Variants in DCLK2 observed in about 807,000 individuals in gnomAD.
DCLK2 encodes the protein serine/threonine-protein kinase DCLK2.
A neutral mutation model predicts 78.4 loss-of-function variants in DCLK2; 31 were observed. The ratio of observed to expected loss-of-function variants is 0.40; its 90% CI spans 0.30 to 0.53. The LOEUF (loss-of-function observed/expected upper bound fraction) is 0.53, where lower values mean the gene tolerates loss of function less well. Ranked by LOEUF, DCLK2 falls within the 20% of genes least tolerant of loss-of-function variation. DCLK2 has a pLI of 0.61. For synonymous variants in DCLK2, 407 were observed against 374.9 expected (o/e 1.09, Z -0.99); for missense variants, 872 against 973.7 (o/e 0.90, Z 1.39).
chr4:150,213,896 T>C (rs1740492630), intron 5 of DCLK2, among the ~76,000 whole-genome samples: 1 of 152,216 alleles, frequency 6.6e-6, no homozygotes, highest in Non-Finnish European at 1.5e-5. Flanking sequence ...CAAGAAGCTC[T>C]TGGGCTCTGG....
intron 15 of DCLK2, among the ~76,000 whole-genome samples, chr4:150,252,331 G>C (rs1035570125): frequency 6.6e-6 from 1 of 152,222 alleles, no homozygotes; most frequent in African/African-American, 2.4e-5. Context: ...ACCTTAAGAA[G>C]AGAGATTGGT....
intron 2 of DCLK2, among the ~76,000 whole-genome samples, chr4:150,158,514 T>C (rs1279491787): frequency 4.6e-5 from 7 of 152,310 alleles, no homozygotes; most frequent in Middle Eastern, 3.4e-3. Flanking sequence ...TCTATTTTGC[T>C]TACTGGATAG....
chr4:150,156,568 G>T (rs1455427972), intron 2 of DCLK2, among the ~76,000 whole-genome samples: 1 of 151,696 alleles, frequency 6.6e-6, no homozygotes, highest in Non-Finnish European at 1.5e-5. Flanking sequence ...CTACTCTGAA[G>T]CCTGAGGTGG....
At chr4:150,133,730 CTAATAATCATTCAGTGT>C (rs1329565280) in intron 2 of DCLK2, among the ~76,000 whole-genome samples, 1 of 152,130 alleles carries the variant, frequency 6.6e-6, no homozygotes, top group Non-Finnish European at 1.5e-5. Context: ...ACTGATTGTG[CTAATAATCATTCAGTGT>C]CAGCTAATTA....
At chr4:150,224,696 G>T in intron 8 of DCLK2, 138 bp downstream of exon 8, 1 of 581,216 alleles carries the variant, frequency 1.7e-6, no homozygotes. Flanking sequence ...GGGAAAAACA[G>T]TTAAGCGGTT....
chr4:150,208,195 G>C (rs778662083), intron 5 of DCLK2, among the ~76,000 whole-genome samples: 1 of 152,196 alleles, frequency 6.6e-6, no homozygotes, highest in African/African-American at 2.4e-5. Flanking sequence ...GTTGGGCCTA[G>C]TCAAGCAGAG....
At chr4:150,148,106 G>A (rs1297190205) in intron 2 of DCLK2, among the ~76,000 whole-genome samples, 3 of 152,250 alleles carry the variant, frequency 2.0e-5, no homozygotes, top group East Asian at 1.9e-4. Flanking sequence ...AGTGGTTCAC[G>A]CCTGTAATCC....
intron 15 of DCLK2, among the ~76,000 whole-genome samples, chr4:150,254,662 C>T (rs1367568029): frequency 1.3e-5 from 2 of 152,056 alleles, no homozygotes; most frequent in Admixed American, 6.6e-5. Context: ...TGAAATTGTC[C>T]TTGGAAATTG....
At chr4:150,212,948 C>T (rs1288356926) in intron 5 of DCLK2, among the ~76,000 whole-genome samples, 3 of 152,166 alleles carry the variant, frequency 2.0e-5, no homozygotes, top group Non-Finnish European at 4.4e-5. Flanking sequence ...ATAGTTATAA[C>T]AGAAGAGGCA....
chr4:150,207,898 G>A (rs1320306419), intron 5 of DCLK2, among the ~76,000 whole-genome samples: 7 of 152,140 alleles, frequency 4.6e-5, no homozygotes, highest in Admixed American at 1.3e-4. Context: ...CACTGTAGTG[G>A]AGCCTTGCAG....
At chr4:150,140,616 C>T (rs1734046696) in intron 2 of DCLK2, among the ~76,000 whole-genome samples, 1 of 152,224 alleles carries the variant, frequency 6.6e-6, no homozygotes. Context: ...GAAGATAAGT[C>T]AGTGTGCTAG....
intron 2 of DCLK2, among the ~76,000 whole-genome samples, chr4:150,137,194 T>G (rs943965485): frequency 1.3e-5 from 2 of 152,056 alleles, no homozygotes; most frequent in Non-Finnish European, 2.9e-5. Flanking sequence ...TGTTCTCAGC[T>G]GAGCTGCAAG....
At chr4:150,226,892 G>A (rs1481087592) in intron 8 of DCLK2, among the ~76,000 whole-genome samples, 6 of 152,120 alleles carry the variant, frequency 3.9e-5, no homozygotes, top group Admixed American at 2.0e-4. Context: ...GTTAATTTGA[G>A]GGGGTGGTAT....
At position 150,198,916 on chromosome 4, in the gene DCLK2, C is replaced by G. The variant is rs141347977; in HGVS notation, c.961+813C>G. The G allele has an allele frequency of 6.8e-3, 3,949 of 579,102 alleles. 407 individuals carry two copies. The Admixed American group carries it at 0.077, about 11-fold the overall frequency. 35.9% of individuals were successfully genotyped at this position (579,102 alleles called of 1,614,324 possible). ...CGCCCTTTCCCCTTTCAGCACCCCC[C>G]CCCCCACTTTCTGTAGGGCAGGTCG... On this transcript the variant is annotated intron_variant, in intron 4 of 15. Transcript: ENST00000296550.
Position 150,256,006 on chromosome 4 carries a change from T to A in DCLK2, c.2074-14T>A, listed in dbSNP as rs769712539. 6.2e-7 allele frequency: 1 copy of A among 1,611,812 alleles called. No homozygotes were observed. Reference sequence around the variant, plus strand: ...GGCCCGGGTAATGTGTTGTCTCTGCTGTTTCCTCCTCAGAACACGGCTCTA... The same window carrying A: ...GGCCCGGGTAATGTGTTGTCTCTGCAGTTTCCTCCTCAGAACACGGCTCTA... On this transcript the variant is annotated splice_polypyrimidine_tract_variant and intron_variant, in intron 15 of 15. Transcript: ENST00000296550.
intron 12 of DCLK2, among the ~76,000 whole-genome samples, chr4:150,243,031 A>G (rs1298937751): frequency 1.3e-5 from 2 of 152,176 alleles, no homozygotes; most frequent in African/African-American, 4.8e-5. Context: ...GTCTTGGGTG[A>G]TGAGTTTGAG....
At chr4:150,215,160 T>G (rs931969111) in intron 5 of DCLK2, among the ~76,000 whole-genome samples, 1 of 152,150 alleles carries the variant, frequency 6.6e-6, no homozygotes, top group African/African-American at 2.4e-5. Flanking sequence ...ATGTTTTTAT[T>G]CTGCTCTGAC....
intron 2 of DCLK2, among the ~76,000 whole-genome samples, chr4:150,157,741 G>A (rs1256685382): frequency 2.6e-5 from 4 of 152,074 alleles, no homozygotes; most frequent in Non-Finnish European, 5.9e-5. Flanking sequence ...TTGAACTTCT[G>A]ACCTCAAGTG....
intron 3 of DCLK2, among the ~76,000 whole-genome samples, chr4:150,194,718 T>G (rs1335993297): frequency 6.6e-6 from 1 of 152,156 alleles, no homozygotes; most frequent in African/African-American, 2.4e-5. Context: ...CTCTTTAATT[T>G]TATGAATGAG....
Sources: gnomAD v4.1 joint callset for allele counts (sites outside exome capture counted in the v4.1 genomes callset) on GRCh38, gnomAD v4.1.1 for gene constraint, MANE v1.5 for transcripts, NCBI Gene and HGNC (gene_info 2026-07-23, HGNC 2026-07-21) for gene names.